The following MVD variants were observed in gnomAD, a reference collection of about 807,000 sequenced individuals.
The protein encoded by MVD is mevalonate diphosphate decarboxylase.
In MVD, 52 loss-of-function variants were observed where a neutral mutation model predicts 42.4. The observed-to-expected ratio is 1.23, with a 90% confidence interval of 0.98 to 1.55. The LOEUF (loss-of-function observed/expected upper bound fraction) is 1.55. Among genes scored for constraint, MVD ranks in the 40% most tolerant of loss-of-function variants. The probability of loss-of-function intolerance (pLI) is 0.00; values close to 1 mark genes in which losing one functional copy is unlikely to be tolerated. For synonymous variants in MVD, 287 were observed against 243.2 expected (o/e 1.18, Z -1.68); for missense variants, 663 against 572.1 (o/e 1.16, Z -1.62).
chr16:88,652,025 G>T lies in MVD; in HGVS notation c.*500C>A. 1 of 203,370 alleles carries T rather than the reference G, an allele frequency of 4.9e-6. No homozygotes were observed. Among genetic ancestry groups the T allele is most frequent in the Non-Finnish European group, 1.0e-5 (1 of 96,530 alleles). The allele number at this position is 203,370 out of a possible 1,614,324, so 12.6% of individuals were successfully genotyped here. A position where few individuals can be genotyped will look rare whatever the true frequency, so the allele number is the denominator to read the frequency against. On this transcript the variant is annotated 3_prime_UTR_variant, in exon 10 of 10. Coordinates refer to ENST00000301012, the MANE Select transcript of MVD (RefSeq NM_002461.3). ...ACCATTCCAGCCACACCCAGGCCGTGGGCAGCCACCCTCCGAGACACCTGG... is the reference window on the plus strand; with the variant it reads ...ACCATTCCAGCCACACCCAGGCCGTTGGCAGCCACCCTCCGAGACACCTGG...
At position 88,656,047 on chromosome 16, in the gene MVD, GC is replaced by G. The variant is rs1255809851; in HGVS notation, c.603+57del. ...GCCTTCGCTCCTGCTCCCGGCAGCA[GC>G]CCTGACTAGGGACAGAGGCCACCGG... On this transcript the variant is annotated intron_variant, in intron 5 of 9. Coordinates refer to ENST00000301012, the MANE Select transcript of MVD (RefSeq NM_002461.3). 3.3e-6 allele frequency: 5 copies of G among 1,531,402 alleles called. 1 individual carries two copies. In the African/African-American group the frequency reaches 6.8e-5, roughly 21 times the overall value. 94.9% of individuals were successfully genotyped at this position (1,531,402 alleles called of 1,614,324 possible). A position where few individuals can be genotyped will look rare whatever the true frequency, so the allele number is the denominator to read the frequency against.
At chr16:88,657,367 C>T in intron 4 of MVD, 69 bp downstream of exon 4, 1 of 1,529,930 alleles carries the variant, frequency 6.5e-7, no homozygotes, top group South Asian at 1.2e-5. Context: ...GCTCCCTGAC[C>T]CGGGAAGAGC....
intron 8 of MVD, among the ~76,000 whole-genome samples, chr16:88,653,774 A>T (rs374219427): frequency 6.6e-6 from 1 of 152,026 alleles, no homozygotes; most frequent in South Asian, 2.1e-4. Context: ...GAAGCGCCCA[A>T]TTCAAGCTGG....
At chr16:88,655,133 C>T (rs1354826843) in intron 7 of MVD, 66 bp downstream of exon 7, 8 of 1,522,026 alleles carry the variant, frequency 5.3e-6, no homozygotes, top group African/African-American at 4.1e-5. Context: ...GCCGTCTCCA[C>T]GGCAGCACAA....
Position 88,663,037 on chromosome 16 carries a change from G to C in MVD, c.44C>G (p.Pro15Arg). The change falls in exon 1 of 10, where the codon CCG (proline) becomes CGG (arginine). Residue 15 changes from proline to arginine, a missense_variant. Pro to Arg is a moderately radical substitution (Grantham distance 103). Transcript: ENST00000301012. ...GTACTTGATGACCGCGATGTTGACC[G>C]GCGCTGTACAAGTGACTGCCGCCAG... is the stretch of plus-strand genomic sequence containing the variant. ...KPLAAVTCTAPVNIAVIKYWG... is the reference protein window; with the variant it reads ...KPLAAVTCTARVNIAVIKYWG... 10 of 1,609,668 alleles carry C rather than the reference G, an allele frequency of 6.2e-6. No individual in the cohort carries two copies. Among genetic ancestry groups the C allele is most frequent in the Non-Finnish European group, 8.5e-6 (10 of 1,178,522 alleles).
intron 1 of MVD, 53 bp from the exon 2 acceptor site, chr16:88,658,773 C>A: frequency 6.8e-6 from 10 of 1,462,044 alleles, no homozygotes; most frequent in Admixed American, 2.0e-5. Context: ...CACCCTCCCC[C>A]AGTGTTCCCC....
Position 88,652,252 on chromosome 16 carries a change from C to T in MVD, c.*273G>A, listed in dbSNP as rs1006331221. On this transcript the variant is annotated 3_prime_UTR_variant, in exon 10 of 10. Coordinates refer to ENST00000301012, the MANE Select transcript of MVD (RefSeq NM_002461.3). ...GTGAGAAAGCCCTTCAGCCCTGCTG[C>T]ACCGAGGCTCTGCCAGTTCTCATAC... 2 of 574,338 alleles carry T rather than the reference C, an allele frequency of 3.5e-6. No individual in the cohort carries two copies. The highest frequency in any genetic ancestry group is 3.7e-5 in the African/African-American group (2 of 53,366). The allele number at this position is 574,338 out of a possible 1,614,324, so 35.6% of individuals were successfully genotyped here.
Position 88,653,356 on chromosome 16 carries a change from C to G in MVD, c.1066G>C (p.Ala356Pro), listed in dbSNP as rs762796554. 1 of 1,599,680 alleles carries G rather than the reference C, an allele frequency of 6.3e-7. No homozygotes were observed. Among genetic ancestry groups the G allele is most frequent in the South Asian group, 1.1e-5 (1 of 89,158 alleles). ...RPAPLSAELQ[A>P]ALAMEPTPGG... is the part of the protein sequence containing the mutation. ...GGGGTCGGCTCCATGGCCAGCGCAG[C>G]CTGAAGCTCAGCTGAGAGAGGGGCC... is the stretch of plus-strand genomic sequence containing the variant. The change falls in exon 9 of 10, where the codon GCT becomes CCT. Residue 356 changes from alanine (A) to proline (P), a missense_variant. Ala to Pro is a conservative substitution (Grantham distance 27, BLOSUM62 -1). Coordinates refer to ENST00000301012, the MANE Select transcript of MVD (RefSeq NM_002461.3).
At chr16:88,657,366 C>T (rs1907995916) in intron 4 of MVD, 70 bp downstream of exon 4, 2 of 1,527,714 alleles carry the variant, frequency 1.3e-6, no homozygotes, top group Non-Finnish European at 1.8e-6. Context: ...GGCTCCCTGA[C>T]CCGGGAAGAG....
Position 88,659,821 on chromosome 16 carries a change from C to T in MVD, c.71-1101G>A, listed in dbSNP as rs147950907. Among the ~76,000 whole-genome samples the T allele has an allele frequency of 3.5e-3, 539 of 152,024 alleles. 1 individual carries two copies. Among genetic ancestry groups the T allele is most frequent in the African/African-American group, 0.012 (517 of 41,462 alleles). On this transcript the variant is annotated intron_variant, in intron 1 of 9. Transcript: ENST00000301012. ...TCTCTACTAAAAATACAAAAATTAG[C>T]CAGGCTGTAGTGACGCACGCCTGTT...
chr16:88,662,738 T>C (rs1597385102), intron 1 of MVD: 2 of 1,465,000 alleles, frequency 1.4e-6, no homozygotes, highest in South Asian at 2.5e-5. Context: ...TGATTGATGA[T>C]TTCGATAGTT....
At chr16:88,655,022 C>T in intron 7 of MVD, 177 bp downstream of exon 7, 1 of 958,088 alleles carries the variant, frequency 1.0e-6, no homozygotes. Context: ...CCGGGCAAGT[C>T]AAGAAACAAA....
intron 4 of MVD, chr16:88,657,119 T>C (rs1907976649): frequency 6.5e-6 from 3 of 463,948 alleles, no homozygotes; most frequent in Non-Finnish European, 1.2e-5. Context: ...TTTTTTTATT[T>C]TTTGTAGAGA....
Position 88,663,073 on chromosome 16 carries a change from G to T in MVD, c.8C>A (p.Ser3Ter). The change falls in exon 1 of 10, where the codon TCG (serine) becomes TAG (stop). Residue 3 changes from serine (S) to a stop codon, truncating the protein, a stop_gained. Transcript: ENST00000301012. LOFTEE classifies it high-confidence loss of function. Reference sequence around the variant, plus strand: ...AGTGACTGCCGCCAGCGGCTTCTCCGAGGCCATGGTCCCACCGCGCAGTGA... The same window carrying T: ...AGTGACTGCCGCCAGCGGCTTCTCCTAGGCCATGGTCCCACCGCGCAGTGA... MA[S>*]EKPLAAVTCT... 1.9e-6 allele frequency: 3 copies of T among 1,609,440 alleles called. No homozygotes were observed. The highest frequency in any genetic ancestry group is 2.5e-6 in the Non-Finnish European group (3 of 1,178,664).
chr16:88,655,528 G>C (rs954983409), intron 6 of MVD, 111 bp from the exon 7 acceptor site: 43 of 1,503,416 alleles, frequency 2.9e-5, no homozygotes, highest in Middle Eastern at 4.7e-4. Flanking sequence ...TCTGCATTTG[G>C]CTCCTGCACG....
Position 88,654,867 on chromosome 16 carries a change from C to T in MVD, c.898-60G>A, listed in dbSNP as rs747139619. On this transcript the variant is annotated intron_variant, in intron 7 of 9. Transcript: ENST00000301012. The stretch of plus-strand genomic sequence containing the variant: ...TGGTGCCTGACCCTTGTCTCCCCAA[C>T]CCTCTGGTCTGCCAGGCGGCCTTGG... 17 of 1,474,280 alleles carry T rather than the reference C, an allele frequency of 1.2e-5. No homozygotes were observed. In the Middle Eastern group the frequency reaches 3.1e-3, roughly 273 times the overall value. 91.3% of individuals were successfully genotyped at this position (1,474,280 alleles called of 1,614,324 possible).
intron 3 of MVD, 28 bp downstream of exon 3, chr16:88,657,887 G>T: frequency 6.3e-7 from 1 of 1,599,004 alleles, no homozygotes; most frequent in South Asian, 1.1e-5. Context: ...CAACAGGGAG[G>T]GATGGGCTTA....
At chr16:88,655,790 A>C in intron 5 of MVD, 60 bp from the exon 6 acceptor site, 1 of 1,527,380 alleles carries the variant, frequency 6.5e-7, no homozygotes, top group Non-Finnish European at 8.8e-7. Context: ...CAAGGACCTC[A>C]GCCTCAAACA....
At chr16:88,658,755 T>TTA in intron 1 of MVD, 35 bp from the exon 2 acceptor site, 2 of 1,512,706 alleles carry the variant, frequency 1.3e-6, no homozygotes, top group Non-Finnish European at 1.8e-6. Flanking sequence ...CCGGTGGGCT[T>TTA]CCCGGCCCAC....
Sources: allele counts gnomAD v4.1 joint callset (sites outside exome capture counted in the v4.1 genomes callset), GRCh38; gene constraint gnomAD v4.1.1; transcripts MANE v1.5; gene names NCBI Gene and HGNC (gene_info 2026-07-23, HGNC 2026-07-21).